Variants in PVALB observed in about 807,000 individuals in gnomAD.
The protein encoded by PVALB is parvalbumin alpha.
In PVALB, 11 loss-of-function variants were observed where a neutral mutation model predicts 10.9. That is an observed-to-expected ratio of 1.01 (90% CI 0.63 to 1.67). The LOEUF (loss-of-function observed/expected upper bound fraction) is 1.67. Ranked by LOEUF, PVALB falls within the 40% of genes most tolerant of loss-of-function variation. The probability of loss-of-function intolerance (pLI) is 0.00; values close to 1 mark genes in which losing one functional copy is unlikely to be tolerated. For synonymous variants in PVALB, 57 were observed against 50.7 expected (o/e 1.12, Z -0.53); for missense variants, 131 against 136.2 (o/e 0.96, Z 0.19).
At chr22:36,817,888 C>T (rs1207633091), upstream of PVALB, among the ~76,000 whole-genome samples, 1 of 152,050 alleles carries the variant, frequency 6.6e-6, no homozygotes, top group African/African-American at 2.4e-5. Flanking sequence ...AATTGCTATG[C>T]TCCCTCCCAG....
intron 1 of PVALB, 91 bp downstream of exon 1, chr22:36,816,854 G>A: frequency 8.5e-7 from 1 of 1,180,536 alleles, no homozygotes; most frequent in Admixed American, 2.6e-5. Context: ...AGCGCGCTGG[G>A]GAGGATCCGC....
intron 3 of PVALB, among the ~76,000 whole-genome samples, chr22:36,807,438 G>C (rs576106078): frequency 6.6e-6 from 1 of 152,360 alleles, no homozygotes; most frequent in African/African-American, 2.4e-5. Context: ...ATAGAGGCCG[G>C]AGGGCTAGAA....
rs933640911 is a variant in PVALB at position 36,801,762 on chromosome 22, C to T, written c.305-844G>A. Among the ~76,000 whole-genome samples the T allele has an allele frequency of 2.6e-5, 4 of 151,992 alleles. No homozygotes were observed. In the East Asian group the frequency reaches 5.8e-4, roughly 22 times the overall value. The stretch of plus-strand genomic sequence containing the variant: ...TTGCAGTGAGCCAAGATCGTGCCAC[C>T]GCACTCCAGCTTGGGCAATAGAGTC... On this transcript the variant is annotated intron_variant, in intron 3 of 3. Coordinates refer to ENST00000417718, the MANE Select transcript of PVALB (RefSeq NM_001315532.2).
At chr22:36,801,540 G>A (rs561953010) in intron 3 of PVALB, among the ~76,000 whole-genome samples, 5 of 152,300 alleles carry the variant, frequency 3.3e-5, no homozygotes, top group Admixed American at 6.5e-5. Context: ...TGGCTCACGC[G>A]TGTAATCCCA....
chr22:36,817,203 G>C (rs1215292903), upstream of PVALB, among the ~76,000 whole-genome samples: 1 of 152,122 alleles, frequency 6.6e-6, no homozygotes, highest in South Asian at 2.1e-4. Flanking sequence ...AGCGCCGGCC[G>C]CCGGCAAGAA....
upstream of PVALB, chr22:36,818,584 C>T (rs1939188787): frequency 6.5e-6 from 1 of 153,222 alleles, no homozygotes; most frequent in Non-Finnish European, 1.5e-5. Flanking sequence ...GCTGCTACTG[C>T]CGTCACCTCT....
chr22:36,800,804 G>T lies in PVALB; in HGVS notation c.*86C>A. The T allele has an allele frequency of 5.6e-6, 8 of 1,437,396 alleles. No homozygotes were observed. In the South Asian group the frequency reaches 8.0e-5, roughly 14 times the overall value. 89.0% of individuals were successfully genotyped at this position (1,437,396 alleles called of 1,614,324 possible). ...GAGTAAAAAATAACATAAACGAACT[G>T]AACAGAAATGCAGGAGGGTGGCGAG... On this transcript the variant is annotated 3_prime_UTR_variant, in exon 4 of 4. Coordinates refer to ENST00000417718, the MANE Select transcript of PVALB (RefSeq NM_001315532.2).
upstream of PVALB, among the ~76,000 whole-genome samples, chr22:36,818,995 C>G (rs1939197302): frequency 6.6e-6 from 1 of 152,196 alleles, no homozygotes; most frequent in African/African-American, 2.4e-5. Flanking sequence ...CTTCCTCCAT[C>G]TCTCCCTGCT....
chr22:36,801,246 C>T (rs1042753389), intron 3 of PVALB, among the ~76,000 whole-genome samples: 15 of 152,126 alleles, frequency 9.9e-5, no homozygotes, highest in African/African-American at 3.1e-4. Context: ...AGGCACTATT[C>T]GAAACACTTT....
At position 36,815,210 on chromosome 22, in the gene PVALB, C is replaced by T. The variant is rs1939119706; in HGVS notation, c.87G>A (p.Lys29=). 1.2e-6 allele frequency: 2 copies of T among 1,614,070 alleles called. No individual in the cohort carries two copies. Among genetic ancestry groups the T allele is most frequent in the African/African-American group, 1.3e-5 (1 of 74,924 alleles). ...TCTTCAGGCCGACCATTTGGAAGAACTTTTTGTGGTCGAAGGAGTCGGTAG... is the reference window on the plus strand; with the variant it reads ...TCTTCAGGCCGACCATTTGGAAGAATTTTTTGTGGTCGAAGGAGTCGGTAG... ...FSATDSFDHK[K]FFQMVGLKKK... The change falls in exon 2 of 4, where the codon AAG becomes AAA. Residue 29 remains lysine, a synonymous_variant. Transcript: ENST00000417718.
chr22:36,802,730 G>A (rs142412147), intron 3 of PVALB, among the ~76,000 whole-genome samples: 2 of 151,574 alleles, frequency 1.3e-5, no homozygotes, highest in African/African-American at 4.8e-5. Context: ...ATCCTTTCCT[G>A]TCCCCAGGCT....
At chr22:36,814,717 G>A (rs1289087812) in intron 2 of PVALB, among the ~76,000 whole-genome samples, 1 of 152,190 alleles carries the variant, frequency 6.6e-6, no homozygotes, top group Non-Finnish European at 1.5e-5. Context: ...CAGGAAGGTG[G>A]AAAGTGTCTT....
intron 3 of PVALB, 23 bp downstream of exon 3, chr22:36,813,623 G>A: frequency 6.4e-7 from 1 of 1,571,180 alleles, no homozygotes; most frequent in Non-Finnish European, 8.8e-7. Context: ...AATATGCCCA[G>A]ACCCCAGGTC....
intron 3 of PVALB, among the ~76,000 whole-genome samples, chr22:36,801,330 G>C (rs1938860689): frequency 6.6e-6 from 1 of 152,194 alleles, no homozygotes; most frequent in Non-Finnish European, 1.5e-5. Flanking sequence ...TTCTACAGAT[G>C]AAGAAACTGA....
rs12483924 is a variant in PVALB, at chr22:36,800,861, G to C, written c.*29C>G. 1,151 of 1,593,002 alleles carry C rather than the reference G, an allele frequency of 7.2e-4. 15 individuals are homozygous for C. The Admixed American group carries it at 0.018, about 24-fold the overall frequency. On this transcript the variant is annotated 3_prime_UTR_variant, in exon 4 of 4. Coordinates refer to ENST00000417718, the MANE Select transcript of PVALB (RefSeq NM_001315532.2). ...CGAGATTGGGTGTTCAGGGCAGAGA[G>C]GTGGAAGACCAGGGGCAGTCAGTGC...
At chr22:36,816,857 G>A (rs1939147212) in intron 1 of PVALB, 88 bp downstream of exon 1, 1 of 1,205,400 alleles carries the variant, frequency 8.3e-7, no homozygotes, top group Non-Finnish European at 1.1e-6. Flanking sequence ...GCGCTGGGGA[G>A]GATCCGCCGG....
At chr22:36,812,190 A>G (rs1187879687) in intron 3 of PVALB, among the ~76,000 whole-genome samples, 2 of 152,198 alleles carry the variant, frequency 1.3e-5, no homozygotes, top group Non-Finnish European at 2.9e-5. Flanking sequence ...AAGGGAACGT[A>G]GGTGTGCAGA....
Position 36,816,997 on chromosome 22 carries a change from C to A in PVALB, c.9G>T (p.Met3Ile), listed in dbSNP as rs878982232. Residue 3 changes from methionine (M) to isoleucine (I), a missense_variant, in exon 1 of 4, where the codon ATG becomes ATT. Physicochemically the swap from Met to Ile is conservative, Grantham distance 10. Transcript: ENST00000417718. MS[M>I]TDLLNAEDIK... Reference sequence around the variant, plus strand: ...TGTCCTCAGCGTTCAGCAAGTCTGTCATCGACATCCTGCAACTGTTTGAGC... The same window carrying A: ...TGTCCTCAGCGTTCAGCAAGTCTGTAATCGACATCCTGCAACTGTTTGAGC... The A allele has an allele frequency of 2.5e-6, 4 of 1,609,432 alleles. No homozygotes were observed. The South Asian group carries it at 4.4e-5, about 18-fold the overall frequency.
upstream of PVALB, chr22:36,817,086 C>G (rs1408469352): frequency 1.5e-6 from 2 of 1,335,832 alleles, no homozygotes; most frequent in Non-Finnish European, 2.0e-6. Flanking sequence ...ATATGACCAG[C>G]GCTGCAGTGC....
Sources: allele counts gnomAD v4.1 joint callset (sites outside exome capture counted in the v4.1 genomes callset), GRCh38; gene constraint gnomAD v4.1.1; transcripts MANE v1.5; gene names NCBI Gene and HGNC (gene_info 2026-07-23, HGNC 2026-07-21).